The following REPS2 variants were observed in gnomAD, a reference collection of about 807,000 sequenced individuals.
The protein encoded by REPS2 is RALBP1 associated Eps domain containing 2, also known as ralBP1-associated Eps domain-containing protein 2.
Under a neutral mutation model 53.6 loss-of-function variants are expected in REPS2, and 23 were observed. That is an observed-to-expected ratio of 0.43 (90% CI 0.31 to 0.61). The LOEUF (loss-of-function observed/expected upper bound fraction) is 0.61. REPS2 is among the 20% of genes least tolerant of loss of function. The pLI, the probability that REPS2 is intolerant of heterozygous loss-of-function variation, is 0.11. For missense variants in REPS2, 446 were observed against 534.9 expected (o/e 0.83, Z 1.64); for synonymous variants, 238 against 218.6 (o/e 1.09, Z -0.78).
chrX:17,094,004 C>T (rs1474504285), intron 13 of REPS2, among the ~76,000 whole-genome samples: 1 of 111,683 alleles, frequency 9.0e-6, no homozygotes, highest in Non-Finnish European at 1.9e-5. Context: ...TGGGATCTCT[C>T]TACACTGTCA....
At chrX:16,977,244 T>A (rs1294006656) in intron 1 of REPS2, among the ~76,000 whole-genome samples, 1 of 110,707 alleles carries the variant, frequency 9.0e-6, no homozygotes, top group Non-Finnish European at 1.9e-5. Flanking sequence ...CCTATTGGGA[T>A]GAGTTGGCCA....
In REPS2 at chrX:17,139,167, G is replaced by A. The variant is rs183231854; in HGVS notation, c.1914+206G>A. Among the ~76,000 whole-genome samples, 277 of 111,889 alleles carry A rather than the reference G, an allele frequency of 2.5e-3. 2 individuals are homozygous for A. Among genetic ancestry groups the A allele is most frequent in the Admixed American group, 0.02 (212 of 10,573 alleles). On this transcript the variant is annotated intron_variant, in intron 17 of 17. Transcript: ENST00000357277. ...CCCTGTTGATAAGACTTGCCTCTTCGTTCTCAAACCCTTTTTGGAAGGTGG... is the reference window on the plus strand; with the variant it reads ...CCCTGTTGATAAGACTTGCCTCTTCATTCTCAAACCCTTTTTGGAAGGTGG...
At chrX:17,174,802 G>A in the REPS2 span, among the ~76,000 whole-genome samples, 1 of 112,713 alleles carries the variant, frequency 8.9e-6, no homozygotes, top group East Asian at 2.8e-4. Flanking sequence ...TGCTGCCGCC[G>A]CCGCTGCTGC....
intron 1 of REPS2, among the ~76,000 whole-genome samples, chrX:16,998,887 C>G (rs1397420925): frequency 1.8e-5 from 2 of 112,558 alleles, no homozygotes; most frequent in African/African-American, 6.5e-5. Flanking sequence ...TTACATTTCT[C>G]ACTTCTAAAG....
At chrX:17,175,825 C>A in the REPS2 span, among the ~76,000 whole-genome samples, 4 of 112,366 alleles carry the variant, frequency 3.6e-5, no homozygotes, top group Non-Finnish European at 7.5e-5. Flanking sequence ...GCTCTACCCT[C>A]CCCTAGAGCT....
At chrX:17,089,863 G>T (rs1385931843) in intron 13 of REPS2, among the ~76,000 whole-genome samples, 1 of 112,263 alleles carries the variant, frequency 8.9e-6, no homozygotes, top group Admixed American at 9.4e-5. Context: ...GTCTTTGTGT[G>T]AACATATGTT....
chrX:17,145,161 G>A (rs1331843538), intron 17 of REPS2, among the ~76,000 whole-genome samples: 1 of 111,626 alleles, frequency 9.0e-6, no homozygotes, highest in Non-Finnish European at 1.9e-5. Flanking sequence ...TTGTGGGTCC[G>A]TGACTTTGAA....
chrX:17,182,455 A>G, the REPS2 span, among the ~76,000 whole-genome samples: 5 of 111,869 alleles, frequency 4.5e-5, no homozygotes, highest in African/African-American at 1.3e-4. Context: ...ATAGTTTCAG[A>G]CATAGTCTCC....
the REPS2 span, among the ~76,000 whole-genome samples, chrX:17,195,364 G>A: frequency 8.9e-6 from 1 of 112,057 alleles, no homozygotes; most frequent in South Asian, 3.7e-4. Context: ...TATATTCGGT[G>A]AAGATAATGA....
intron 1 of REPS2, among the ~76,000 whole-genome samples, chrX:16,966,148 T>C (rs1436207710): frequency 6.3e-5 from 7 of 111,229 alleles, no homozygotes; most frequent in Non-Finnish European, 9.4e-5. Flanking sequence ...GGCTGGGCAA[T>C]TTCTTAGAGC....
chrX:16,947,400 C>T (rs901333620), intron 1 of REPS2, among the ~76,000 whole-genome samples: 8 of 112,089 alleles, frequency 7.1e-5, no homozygotes, highest in Non-Finnish European at 1.5e-4. Flanking sequence ...TCCCCTCCCC[C>T]GGCCATTTCT....
At chrX:16,958,082 C>CATAG (rs1275186628) in intron 1 of REPS2, among the ~76,000 whole-genome samples, 65 of 111,975 alleles carry the variant, frequency 5.8e-4, no homozygotes, top group African/African-American at 2.0e-3. Flanking sequence ...CCCAAGGTCA[C>CATAG]ATAGATAAAA....
chrX:17,138,534 C>T, intron 16 of REPS2: 1 of 145,827 alleles, frequency 6.9e-6, no homozygotes, highest in Non-Finnish European at 1.3e-5. Context: ...AAGGGCATTC[C>T]AGTTAATATG....
chrX:16,970,883 A>G (rs377483463), intron 1 of REPS2, among the ~76,000 whole-genome samples: 6 of 112,521 alleles, frequency 5.3e-5, no homozygotes, highest in African/African-American at 1.6e-4. Flanking sequence ...TTATTTATCA[A>G]TTCATGAGTT....
intron 2 of REPS2, among the ~76,000 whole-genome samples, chrX:17,010,571 A>AT (rs972418398): frequency 7.2e-5 from 8 of 110,686 alleles, no homozygotes; most frequent in Admixed American, 3.8e-4. Flanking sequence ...AGGTTTCACT[A>AT]TTTTTTTTGT....
the REPS2 span, among the ~76,000 whole-genome samples, chrX:17,162,739 T>C: frequency 8.9e-6 from 1 of 112,316 alleles, no homozygotes; most frequent in Non-Finnish European, 1.9e-5. Context: ...GATTTATTGG[T>C]TCAAGGCATT....
intron 7 of REPS2, among the ~76,000 whole-genome samples, chrX:17,053,013 A>G (rs751656028): frequency 8.1e-5 from 9 of 111,528 alleles, no homozygotes; most frequent in African/African-American, 2.3e-4. Flanking sequence ...CTATGCTGGG[A>G]TGGTCCAGAT....
intron 1 of REPS2, among the ~76,000 whole-genome samples, chrX:16,986,737 G>T (rs956850835): frequency 5.4e-5 from 6 of 111,010 alleles, no homozygotes; most frequent in Admixed American, 9.6e-5. Flanking sequence ...ACTACTGTGG[G>T]GTATTGGAAG....
At chrX:17,183,315 G>A in the REPS2 span, among the ~76,000 whole-genome samples, 92 of 112,042 alleles carry the variant, frequency 8.2e-4, no homozygotes, top group African/African-American at 2.8e-3. Context: ...ATAAAAACCT[G>A]TATGAAATAT....
Sources: gnomAD v4.1 joint callset for allele counts (sites outside exome capture counted in the v4.1 genomes callset) on GRCh38, gnomAD v4.1.1 for gene constraint, MANE v1.5 for transcripts, NCBI Gene and HGNC (gene_info 2026-07-23, HGNC 2026-07-21) for gene names.